ZNF692: variants seen among roughly 807,000 people sequenced by gnomAD.
ZNF692 encodes the protein AICAR responsive element binding protein.
Under a neutral mutation model 49.0 loss-of-function variants are expected in ZNF692, and 41 were observed. The observed-to-expected ratio is 0.84, with a 90% confidence interval of 0.65 to 1.08. The LOEUF (loss-of-function observed/expected upper bound fraction) is 1.08, where lower values mean the gene tolerates loss of function less well. ZNF692 is among the 50% of genes least tolerant of loss of function. ZNF692 has a pLI of 0.00. For synonymous variants in ZNF692, 288 were observed against 251.5 expected (o/e 1.15, Z -1.37); for missense variants, 662 against 662.2 (o/e 1.00, Z 0.00).
Position 248,857,479 on chromosome 1 carries a change from G to A in ZNF692, c.230C>T (p.Pro77Leu), listed in dbSNP as rs767653272. The change falls in exon 4 of 12, where the codon CCA (proline) becomes CTA (leucine). Residue 77 changes from proline (P) to leucine (L), a missense_variant. Pro to Leu is a moderately conservative substitution (Grantham distance 98). Transcript: ENST00000306601. The part of the protein sequence containing the change: ...VLCAGPEPLP[P>L]KGLQYLVLLS... ...GAGCACCAGATACTGCAGACCTTTT[G>A]GAGGCAAAGGCTCAGGACCTGGAGG... is the stretch of plus-strand genomic sequence containing the variant. The A allele has an allele frequency of 1.2e-6, 2 of 1,613,620 alleles. No individual in the cohort carries two copies. Among genetic ancestry groups the A allele is most frequent in the Admixed American group, 3.3e-5 (2 of 59,968 alleles).
chr1:248,855,031 A>G (rs1038059085), intron 9 of ZNF692, among the ~76,000 whole-genome samples: 2 of 152,174 alleles, frequency 1.3e-5, no homozygotes, highest in Non-Finnish European at 2.9e-5. Flanking sequence ...GATTGGGGAC[A>G]GGACCATCTC....
At position 248,855,560 on chromosome 1, in the gene ZNF692, A is replaced by G; in HGVS notation, c.957T>C (p.Ile319=). The G allele has an allele frequency of 1.9e-6, 3 of 1,614,024 alleles. No individual in the cohort carries two copies. The highest frequency in any genetic ancestry group is 1.1e-5 in the South Asian group (1 of 91,074). The change falls in exon 8 of 12, where the codon ATT becomes ATC. Residue 319 remains isoleucine, a splice_region_variant and synonymous_variant. Coordinates refer to ENST00000306601, the MANE Select transcript of ZNF692 (RefSeq NM_017865.4). ...AACCCCATCTCCCTAAGTCCTACCTAATTCTCTTGGGGCCAATTTGTGCAG... is the reference window on the plus strand; with the variant it reads ...AACCCCATCTCCCTAAGTCCTACCTGATTCTCTTGGGGCCAATTTGTGCAG... ...EDTAQIGPKR[I]RKAAKRELMP...
chr1:248,858,070 A>G lies in ZNF692; in HGVS notation c.179+61T>C, dbSNP rs1320116838. On this transcript the variant is annotated intron_variant, in intron 2 of 11. Transcript: ENST00000306601. The surrounding 1 kb of genome is among the most constrained non-coding windows in gnomAD (Gnocchi z 4.3). ...AAAAGAGCAGCAGGACAGGCCCTGG[A>G]GAGGAGGCTAGGGGCTGCTGCCTGG... 1.9e-6 allele frequency: 3 copies of G among 1,552,706 alleles called. No homozygotes were observed. The highest frequency in any genetic ancestry group is 1.7e-4 in the Middle Eastern group (1 of 5,912).
At chr1:248,852,674 T>G (rs1464173986) in intron 10 of ZNF692, among the ~76,000 whole-genome samples, 2 of 152,222 alleles carry the variant, frequency 1.3e-5, no homozygotes, top group Non-Finnish European at 2.9e-5. Context: ...ATCTGGTGGC[T>G]TCACCACTGC....
At chr1:248,857,979 G>T in intron 2 of ZNF692, 120 bp from the exon 3 acceptor site, 1 of 1,554,336 alleles carries the variant, frequency 6.4e-7, no homozygotes, top group Non-Finnish European at 8.7e-7. Flanking sequence ...ATGAGGAGGG[G>T]AGCAGGACCC....
intron 4 of ZNF692, among the ~76,000 whole-genome samples, chr1:248,856,861 T>C (rs1159074915): frequency 1.3e-5 from 2 of 152,168 alleles, no homozygotes; most frequent in African/African-American, 2.4e-5. Flanking sequence ...TCAGAGATGA[T>C]ATTCACATAG....
intron 10 of ZNF692, among the ~76,000 whole-genome samples, chr1:248,851,739 A>T (rs1025326521): frequency 6.6e-6 from 1 of 152,098 alleles, no homozygotes; most frequent in Non-Finnish European, 1.5e-5. Context: ...GGTCACACCC[A>T]TGCACTGCAC....
At chr1:248,850,560 A>G (rs1025043288) in intron 11 of ZNF692, 44 bp from the exon 12 acceptor site, 31 of 1,590,802 alleles carry the variant, frequency 1.9e-5, no homozygotes, top group Non-Finnish European at 2.6e-5. Flanking sequence ...GCCTCAGGCC[A>G]TCATGACTTC....
chr1:248,857,126 T>G, intron 4 of ZNF692, 108 bp downstream of exon 4: 1 of 1,188,138 alleles, frequency 8.4e-7, no homozygotes, highest in South Asian at 1.5e-5. Flanking sequence ...CAAGATAGAG[T>G]TTTTCCATTG....
chr1:248,853,694 T>C (rs1287681069), intron 10 of ZNF692, among the ~76,000 whole-genome samples: 1 of 152,238 alleles, frequency 6.6e-6, no homozygotes, highest in African/African-American at 2.4e-5. Context: ...GGGTTAGCGC[T>C]GCCTGCTCTG....
At position 248,855,398 on chromosome 1, in the gene ZNF692, G is replaced by A; in HGVS notation, c.1020C>T (p.Ser340=). Residue 340 remains serine, a synonymous_variant, in exon 9 of 12, where the codon TCC becomes TCT. Coordinates refer to ENST00000306601, the MANE Select transcript of ZNF692 (RefSeq NM_017865.4). ...CCCTCACATTCAAATACTGCCGGTT[G>A]GAGAAGATCCTTCCACAGCCAGGGA... ...CDFPGCGRIF[S]NRQYLNHHKK... 1 of 1,614,152 alleles carries A rather than the reference G, an allele frequency of 6.2e-7. No homozygotes were observed. Among genetic ancestry groups the A allele is most frequent in the Non-Finnish European group, 8.5e-7 (1 of 1,180,022 alleles).
rs1464168105 is a variant in ZNF692, at chr1:248,850,066, C to T, written c.*144G>A. The T allele has an allele frequency of 3.0e-5, 25 of 828,154 alleles. No homozygotes were observed. The highest frequency in any genetic ancestry group is 4.0e-5 in the Non-Finnish European group (22 of 555,322). The allele number at this position is 828,154 out of a possible 1,614,324, so 51.3% of individuals were successfully genotyped here. Reference sequence around the variant, plus strand: ...AGACTAAAGTAGTCCAGCTCCCCTACAGCCCAGTCTTGCCCCCACCCTGCA... The same window carrying T: ...AGACTAAAGTAGTCCAGCTCCCCTATAGCCCAGTCTTGCCCCCACCCTGCA... On this transcript the variant is annotated 3_prime_UTR_variant, in exon 12 of 12. Coordinates refer to ENST00000306601, the MANE Select transcript of ZNF692 (RefSeq NM_017865.4).
chr1:248,850,577 G>A, intron 11 of ZNF692, 61 bp from the exon 12 acceptor site: 1 of 1,591,808 alleles, frequency 6.3e-7, no homozygotes. Context: ...CTTCCCTAGG[G>A]GGTTCCTCCT....
rs547401379 is a variant in ZNF692, at chr1:248,858,023, A to G, written c.179+108T>C. ...CACAAGTCACACAGGCCGTCCTGGT[A>G]AAGTGAGAAACCTGAGGGTGGAAAA... On this transcript the variant is annotated intron_variant, in intron 2 of 11. Transcript: ENST00000306601. This position sits in a 1 kb window ranked among gnomAD's most constrained non-coding sequence, Gnocchi z 4.3. 3.7e-5 allele frequency: 57 copies of G among 1,545,254 alleles called. No individual in the cohort carries two copies. In the South Asian group the frequency reaches 6.2e-4, roughly 17 times the overall value.
At chr1:248,853,700 C>T (rs1659889279) in intron 10 of ZNF692, among the ~76,000 whole-genome samples, 1 of 152,230 alleles carries the variant, frequency 6.6e-6, no homozygotes, top group Non-Finnish European at 1.5e-5. Flanking sequence ...GCGCTGCCTG[C>T]TCTGTTCATT....
Position 248,854,967 on chromosome 1 carries a change from G to C in ZNF692, c.1038+413C>G, listed in dbSNP as rs988863953. On this transcript the variant is annotated intron_variant, in intron 9 of 11. Coordinates refer to ENST00000306601, the MANE Select transcript of ZNF692 (RefSeq NM_017865.4). Reference sequence around the variant, plus strand: ...ACCTGCTGTGCCAAGTGCTCTGGTTGACTGTAGGGATTGGACCCCTTGCCT... The same window carrying C: ...ACCTGCTGTGCCAAGTGCTCTGGTTCACTGTAGGGATTGGACCCCTTGCCT... Among the ~76,000 whole-genome samples the C allele has an allele frequency of 2.6e-5, 4 of 152,120 alleles. No individual in the cohort carries two copies. The South Asian group carries it at 8.3e-4, about 32-fold the overall frequency.
intron 10 of ZNF692, 187 bp from the exon 11 acceptor site, chr1:248,850,968 A>C (rs987170644): frequency 1.1e-5 from 8 of 704,866 alleles, no homozygotes; most frequent in Non-Finnish European, 1.8e-5. Context: ...ATGACAACCA[A>C]GTAAGATACG....
intron 10 of ZNF692, 134 bp from the exon 11 acceptor site, chr1:248,850,915 C>A: frequency 1.2e-6 from 1 of 812,470 alleles, no homozygotes; most frequent in Non-Finnish European, 2.1e-6. Context: ...TAGTTGTTAT[C>A]CAAATCATGG....
chr1:248,853,676 T>A (rs1659885316), intron 10 of ZNF692, among the ~76,000 whole-genome samples: 1 of 152,202 alleles, frequency 6.6e-6, no homozygotes, highest in Non-Finnish European at 1.5e-5. Context: ...AAAGTGGATG[T>A]CTCAAGAGGG....
Sources: gnomAD v4.1 joint callset for allele counts (sites outside exome capture counted in the v4.1 genomes callset) on GRCh38, gnomAD v4.1.1 for gene constraint, Gnocchi (gnomAD v3.1) non-coding constraint, MANE v1.5 for transcripts, NCBI Gene and HGNC (gene_info 2026-07-23, HGNC 2026-07-21) for gene names.